The following TRAPPC9 variants were observed in gnomAD, a reference collection of about 807,000 sequenced individuals.
The protein encoded by TRAPPC9 is IKK2 binding protein.
Under a neutral mutation model 124.0 loss-of-function variants are expected in TRAPPC9, and 83 were observed. The ratio of observed to expected loss-of-function variants is 0.67; its 90% confidence interval spans 0.56 to 0.80. The LOEUF (loss-of-function observed/expected upper bound fraction) is 0.80. Among genes scored for constraint, TRAPPC9 ranks in the 30% least tolerant of loss-of-function variants. The pLI is 0.00. For missense variants in TRAPPC9, 1,302 were observed against 1,508.3 expected (o/e 0.86, Z 2.27); for synonymous variants, 638 against 617.5 (o/e 1.03, Z -0.49).
intron 21 of TRAPPC9, among the ~76,000 whole-genome samples, chr8:139,754,353 T>C (rs2130251514): frequency 6.6e-6 from 1 of 152,294 alleles, no homozygotes; most frequent in South Asian, 2.1e-4. Context: ...GGCTCCCACA[T>C]CTGCTCCCAG....
chr8:140,371,324 G>A (rs2068275989), intron 7 of TRAPPC9, 144 bp from the exon 8 acceptor site: 8 of 924,958 alleles, frequency 8.6e-6, no homozygotes, highest in South Asian at 1.5e-5. Context: ...GGTGAGCAGC[G>A]CATGGCGCAG....
At chr8:139,991,258 T>C (rs962498783) in intron 18 of TRAPPC9, among the ~76,000 whole-genome samples, 1 of 152,250 alleles carries the variant, frequency 6.6e-6, no homozygotes, top group Admixed American at 6.5e-5. Flanking sequence ...ACTCACAGAA[T>C]ACGGTGCTTA....
intron 17 of TRAPPC9, among the ~76,000 whole-genome samples, chr8:140,049,292 A>C (rs1316562256): frequency 6.6e-6 from 1 of 152,176 alleles, no homozygotes; most frequent in African/African-American, 2.4e-5. Context: ...TTTGGCAAGG[A>C]GAGTCATGCC....
chr8:139,939,397 C>A (rs1354631683), intron 19 of TRAPPC9, among the ~76,000 whole-genome samples: 2 of 152,224 alleles, frequency 1.3e-5, no homozygotes, highest in South Asian at 2.1e-4. Context: ...CCAGAGAGGG[C>A]AGCCCCTGGC....
chr8:139,848,413 C>T (rs957766013), intron 21 of TRAPPC9, among the ~76,000 whole-genome samples: 8 of 152,076 alleles, frequency 5.3e-5, no homozygotes, highest in South Asian at 2.1e-4. Flanking sequence ...GCATATCACA[C>T]GGTGATAGAT....
intron 21 of TRAPPC9, among the ~76,000 whole-genome samples, chr8:139,773,952 G>A (rs768061107): frequency 6.6e-5 from 10 of 152,204 alleles, no homozygotes; most frequent in African/African-American, 1.9e-4. Context: ...CATCTCCCAC[G>A]TGGGACAGCG....
At chr8:140,188,760 T>G (rs1425359392) in intron 17 of TRAPPC9, among the ~76,000 whole-genome samples, 1 of 152,218 alleles carries the variant, frequency 6.6e-6, no homozygotes. Context: ...GATCTACCTT[T>G]GCTCCTCTTC....
intron 21 of TRAPPC9, among the ~76,000 whole-genome samples, chr8:139,745,100 TG>T (rs1345341813): frequency 1.3e-5 from 2 of 152,190 alleles, no homozygotes; most frequent in Non-Finnish European, 2.9e-5. Flanking sequence ...CTGGGGATGG[TG>T]GCCGTGGCTG....
chr8:139,949,924 C>T lies in TRAPPC9; in HGVS notation c.2810+38802G>A, dbSNP rs545445261. Among the ~76,000 whole-genome samples, 11 of 152,288 alleles carry T rather than the reference C, an allele frequency of 7.2e-5. No homozygotes were observed. In the South Asian group the frequency reaches 2.3e-3, roughly 32 times the overall value. ...ATATGTTAATTACATCTCAATAAAA[C>T]TGTCATTTAAAAAGAAAAGAAACTG... On this transcript the variant is annotated intron_variant, in intron 19 of 22. Coordinates refer to ENST00000438773, the MANE Select transcript of TRAPPC9 (RefSeq NM_001160372.4).
chr8:139,825,331 A>G lies in TRAPPC9; in HGVS notation c.3055+60548T>C, dbSNP rs1156397339. ...TTTCCCGCCGAATGGAGGAGAGGAG[A>G]AGCACAGGTCCTGGTGCAGGCGGCA... is the stretch of plus-strand genomic sequence containing the variant. On this transcript the variant is annotated intron_variant, in intron 21 of 22. Transcript: ENST00000438773. This position sits in a 1 kb window ranked among gnomAD's most constrained non-coding sequence, Gnocchi z 4.6. Among the ~76,000 whole-genome samples the G allele has an allele frequency of 1.3e-5, 2 of 152,138 alleles. No individual in the cohort carries two copies. The highest frequency in any genetic ancestry group is 4.8e-5 in the African/African-American group (2 of 41,444).
chr8:140,183,709 G>T (rs1161755578), intron 17 of TRAPPC9, among the ~76,000 whole-genome samples: 1 of 151,736 alleles, frequency 6.6e-6, no homozygotes, highest in Admixed American at 6.6e-5. Context: ...ACAAAAATTA[G>T]CTGGGCATGG....
At chr8:139,980,957 C>T (rs992069451) in intron 19 of TRAPPC9, among the ~76,000 whole-genome samples, 5 of 152,186 alleles carry the variant, frequency 3.3e-5, no homozygotes, top group African/African-American at 9.7e-5. Flanking sequence ...CAAAGAGGCG[C>T]GTGGTGTGTG....
At chr8:139,861,725 A>G (rs1461578106) in intron 21 of TRAPPC9, among the ~76,000 whole-genome samples, 1 of 152,086 alleles carries the variant, frequency 6.6e-6, no homozygotes, top group East Asian at 1.9e-4. Flanking sequence ...GGAGCCCACA[A>G]ATCGAGTGGT....
rs762508347 is a variant in TRAPPC9, at chr8:139,853,218, G to A, written c.3055+32661C>T. Among the ~76,000 whole-genome samples the A allele has an allele frequency of 2.4e-4, 37 of 152,310 alleles. No homozygotes were observed. In the Middle Eastern group the frequency reaches 0.01, roughly 42 times the overall value. On this transcript the variant is annotated intron_variant, in intron 21 of 22. Coordinates refer to ENST00000438773, the MANE Select transcript of TRAPPC9 (RefSeq NM_001160372.4). ...AAGCTCGGCTCCTGTAGCACATGGCGGTGGCAGGAGCAATGTGCAGGATGC... is the reference window on the plus strand; with the variant it reads ...AAGCTCGGCTCCTGTAGCACATGGCAGTGGCAGGAGCAATGTGCAGGATGC...
In TRAPPC9 at chr8:140,104,762, C is replaced by A. The variant is rs77453007; in HGVS notation, c.2557-80683G>T. Among the ~76,000 whole-genome samples the A allele has an allele frequency of 0.013, 1,953 of 152,338 alleles. 48 individuals are homozygous for A. The highest frequency in any genetic ancestry group is 0.045 in the African/African-American group (1,852 of 41,566). ...TTACCCAGCTAACAGAAGAACGGTTCACACCGACAAGGTACTTCTTAAACA... is the reference window on the plus strand; with the variant it reads ...TTACCCAGCTAACAGAAGAACGGTTAACACCGACAAGGTACTTCTTAAACA... On this transcript the variant is annotated intron_variant, in intron 17 of 22. Coordinates refer to ENST00000438773, the MANE Select transcript of TRAPPC9 (RefSeq NM_001160372.4). This position sits in a 1 kb window ranked among gnomAD's most constrained non-coding sequence, Gnocchi z 4.0.
intron 17 of TRAPPC9, among the ~76,000 whole-genome samples, chr8:140,203,505 G>C (rs1481075147): frequency 1.3e-5 from 2 of 152,238 alleles, no homozygotes; most frequent in African/African-American, 4.8e-5. Context: ...GACAGTGACA[G>C]TGCTGAATGC....
At chr8:140,416,964 G>A (rs1223337754) in intron 5 of TRAPPC9, among the ~76,000 whole-genome samples, 2 of 152,156 alleles carry the variant, frequency 1.3e-5, no homozygotes, top group Non-Finnish European at 2.9e-5. Flanking sequence ...AACAAGCAAT[G>A]AGGAAAAGAT....
intron 19 of TRAPPC9, among the ~76,000 whole-genome samples, chr8:139,966,431 G>A (rs1400903818): frequency 6.6e-6 from 1 of 152,224 alleles, no homozygotes; most frequent in African/African-American, 2.4e-5. Flanking sequence ...CCCTTCCTCA[G>A]CCCTAGCTCC....
chr8:140,009,302 T>A (rs1240836411), intron 18 of TRAPPC9, among the ~76,000 whole-genome samples: 1 of 152,234 alleles, frequency 6.6e-6, no homozygotes, highest in Non-Finnish European at 1.5e-5. Context: ...TGTCAAGACA[T>A]CACAGGACAA....
Sources: gnomAD v4.1 joint callset for allele counts (sites outside exome capture counted in the v4.1 genomes callset) on GRCh38, gnomAD v4.1.1 for gene constraint, Gnocchi (gnomAD v3.1) non-coding constraint, MANE v1.5 for transcripts, NCBI Gene and HGNC (gene_info 2026-07-23, HGNC 2026-07-21) for gene names.